TRAPPC10: variants seen among roughly 807,000 people sequenced by gnomAD.
TRAPPC10 encodes the protein trafficking protein particle complex subunit 10.
TRAPPC10 carries 23 observed loss-of-function variants against 125.5 expected under a neutral mutation model. The ratio of observed to expected loss-of-function variants is 0.18; its 90% CI spans 0.13 to 0.26. TRAPPC10 has a LOEUF of 0.26. TRAPPC10 is among the 10% of genes least tolerant of loss of function. TRAPPC10 has a pLI of 1.00. For synonymous variants in TRAPPC10, 509 were observed against 518.0 expected (o/e 0.98, Z 0.24); for missense variants, 1,123 against 1,308.4 (o/e 0.86, Z 2.19).
chr21:44,035,103 C>G (rs910651072), intron 2 of TRAPPC10, among the ~76,000 whole-genome samples: 1 of 152,158 alleles, frequency 6.6e-6, no homozygotes, highest in African/African-American at 2.4e-5. Flanking sequence ...GGATGTGTCC[C>G]CAAACATTCT....
Position 44,094,150 on chromosome 21 carries a change from G to A in TRAPPC10, c.3085G>A (p.Val1029Ile), listed in dbSNP as rs2038769597. Reference sequence around the variant, plus strand: ...CCCTTCTCTGCATTGCCGGTTCTCTGTTGGATTTTCCCCAGCTTCTGAGGA... The same window carrying A: ...CCCTTCTCTGCATTGCCGGTTCTCTATTGGATTTTCCCCAGCTTCTGAGGA... ...PPPSLHCRFS[V>I]GFSPASEEQL... Residue 1029 changes from valine (V) to isoleucine (I), a missense_variant, in exon 20 of 23, where the codon GTT becomes ATT. Physicochemically the swap from Val to Ile is conservative, Grantham distance 29. Transcript: ENST00000291574. 11 of 1,614,180 alleles carry A rather than the reference G, an allele frequency of 6.8e-6. No homozygotes were observed. Among genetic ancestry groups the A allele is most frequent in the Non-Finnish European group, 9.3e-6 (11 of 1,180,050 alleles).
intron 1 of TRAPPC10, among the ~76,000 whole-genome samples, chr21:44,022,047 C>CTTTCT (rs1555924376): frequency 3.2e-4 from 46 of 144,292 alleles, no homozygotes; most frequent in East Asian, 1.2e-3. Flanking sequence ...AAATTTCTTT[C>CTTTCT]TTTTTTTTTT....
At chr21:44,091,856 C>T (rs1351632939) in intron 18 of TRAPPC10, 67 bp from the exon 19 acceptor site, 35 of 1,500,628 alleles carry the variant, frequency 2.3e-5, no homozygotes, top group Non-Finnish European at 3.2e-5. Context: ...GTCTCCTTAA[C>T]AAAGCTAAGA....
In TRAPPC10 at chr21:44,063,718, C is replaced by A; in HGVS notation, c.971C>A (p.Pro324Gln). Residue 324 changes from proline (P) to glutamine (Q), a missense_variant, in exon 7 of 23, where the codon CCG becomes CAG. Physicochemically the swap from Pro to Gln is moderately conservative, Grantham distance 76. Around this residue, in one of 4 missense-constraint regions of TRAPPC10, gnomAD observed 91 missense variants for 127.1 expected, o/e 0.72. Transcript: ENST00000291574. This position sits in a 1 kb window ranked among gnomAD's most constrained non-coding sequence, Gnocchi z 4.4. ...QCTLLLFLQR[P>Q]WEVAQRALEL... ...ACCTTGCTGCTCTTCCTGCAGAGGC[C>A]GTGGGAGGTGGCCCAGCGCGCCCTA... 3 of 1,614,166 alleles carry A rather than the reference C, an allele frequency of 1.9e-6. No individual in the cohort carries two copies. Among genetic ancestry groups the A allele is most frequent in the Non-Finnish European group, 2.5e-6 (3 of 1,180,028 alleles).
At chr21:44,057,032 A>G (rs917042159) in intron 5 of TRAPPC10, among the ~76,000 whole-genome samples, 2 of 152,174 alleles carry the variant, frequency 1.3e-5, no homozygotes, top group Non-Finnish European at 2.9e-5. Flanking sequence ...CACACACTAC[A>G]GCATGGATGG....
intron 14 of TRAPPC10, 125 bp downstream of exon 14, chr21:44,083,427 C>A: frequency 9.2e-7 from 1 of 1,089,478 alleles, no homozygotes; most frequent in Non-Finnish European, 1.3e-6. Flanking sequence ...CTGTTTTTGT[C>A]TCTGTCCTTA....
At chr21:44,072,682 T>C (rs552589975) in intron 7 of TRAPPC10, among the ~76,000 whole-genome samples, 1 of 152,336 alleles carries the variant, frequency 6.6e-6, no homozygotes, top group African/African-American at 2.4e-5. Context: ...CAGGCTGGTC[T>C]CAAACTCCTG....
intron 13 of TRAPPC10, among the ~76,000 whole-genome samples, chr21:44,080,472 A>G (rs1484321863): frequency 6.6e-6 from 1 of 152,162 alleles, no homozygotes; most frequent in African/African-American, 2.4e-5. Context: ...ATCACATATT[A>G]CATGTGGTTG....
At chr21:44,045,161 C>T (rs1326046686) in intron 3 of TRAPPC10, among the ~76,000 whole-genome samples, 2 of 152,232 alleles carry the variant, frequency 1.3e-5, no homozygotes, top group East Asian at 3.9e-4. Context: ...TCTCGAACTC[C>T]TGACCTTGTG....
At chr21:44,067,854 G>A (rs988101109) in intron 7 of TRAPPC10, among the ~76,000 whole-genome samples, 2 of 152,110 alleles carry the variant, frequency 1.3e-5, no homozygotes, top group Non-Finnish European at 2.9e-5. Context: ...GGGCACAGTG[G>A]CTCAAGCCTG....
intron 13 of TRAPPC10, 59 bp downstream of exon 13, chr21:44,080,186 A>G: frequency 7.0e-7 from 1 of 1,431,312 alleles, no homozygotes; most frequent in Non-Finnish European, 9.7e-7. Context: ...GAAGTAAAAA[A>G]GAATACAAGA....
chr21:44,012,571 G>C lies in TRAPPC10; in HGVS notation c.67+11G>C. 6.5e-7 allele frequency: 1 copy of C among 1,532,066 alleles called. No homozygotes were observed. Among genetic ancestry groups the C allele is most frequent in the African/African-American group, 1.4e-5 (1 of 71,990 alleles). The allele number at this position is 1,532,066 out of a possible 1,614,324, so 94.9% of individuals were successfully genotyped here. On this transcript the variant is annotated intron_variant, in intron 1 of 22. Coordinates refer to ENST00000291574, the MANE Select transcript of TRAPPC10 (RefSeq NM_003274.5). ...AGCCCATCGTCACCTGTGAGTGCCC[G>C]GAGGCGGGGAGGGCGCGGCGGTCGT... is the stretch of plus-strand genomic sequence containing the variant.
At chr21:44,088,217 C>G (rs959846940) in intron 17 of TRAPPC10, 6 of 452,590 alleles carry the variant, frequency 1.3e-5, no homozygotes, top group Admixed American at 7.1e-5. Context: ...GGGCGTAAAA[C>G]TTGGGTCATG....
In TRAPPC10 at chr21:44,032,133, T is replaced by G; in HGVS notation, c.110T>G (p.Leu37Arg). The stretch of plus-strand genomic sequence containing the variant: ...TTATTTACCTCTGTTTATCCAACGC[T>G]CTCTCAGCAGCTTCCAAGAGAACCA... ...QNLFTSVYPT[L>R]SQQLPREPME... is the part of the protein sequence containing the mutation. Residue 37 changes from leucine to arginine, a missense_variant, in exon 2 of 23, where the codon CTC becomes CGC. By Grantham distance (102) the Leu-to-Arg change is moderately radical. Transcript: ENST00000291574. The G allele has an allele frequency of 1.9e-6, 3 of 1,614,002 alleles. No individual in the cohort carries two copies. Among genetic ancestry groups the G allele is most frequent in the Non-Finnish European group, 2.5e-6 (3 of 1,179,932 alleles).
intron 1 of TRAPPC10, among the ~76,000 whole-genome samples, chr21:44,029,734 C>T (rs1023208050): frequency 2.0e-5 from 3 of 152,198 alleles, no homozygotes; most frequent in Admixed American, 6.5e-5. Context: ...GGCCTTCCTG[C>T]GTTCCTTCTG....
intron 1 of TRAPPC10, among the ~76,000 whole-genome samples, chr21:44,025,542 C>G (rs1001199984): frequency 3.3e-5 from 5 of 152,136 alleles, no homozygotes; most frequent in South Asian, 2.1e-4. Context: ...TAAGTTTGCT[C>G]TCTGAGGGCT....
intron 9 of TRAPPC10, among the ~76,000 whole-genome samples, chr21:44,075,575 T>C (rs1217767938): frequency 2.0e-5 from 3 of 151,998 alleles, no homozygotes; most frequent in Admixed American, 2.0e-4. Flanking sequence ...AGCCTCGACC[T>C]CCTGGGCTCA....
chr21:44,084,056 C>T (rs1034487065), intron 14 of TRAPPC10, 66 bp from the exon 15 acceptor site: 48 of 1,594,430 alleles, frequency 3.0e-5, no homozygotes, highest in Non-Finnish European at 3.9e-5. Context: ...CTGCACCGCG[C>T]TACCGCAGGA....
chr21:44,036,382 G>C (rs994130742), intron 2 of TRAPPC10, among the ~76,000 whole-genome samples: 1 of 152,210 alleles, frequency 6.6e-6, no homozygotes, highest in African/African-American at 2.4e-5. Context: ...TTCCCACCCT[G>C]AGGGCCTTGC....
Sources: gnomAD v4.1 joint callset for allele counts (sites outside exome capture counted in the v4.1 genomes callset) on GRCh38, gnomAD v4.1.1 for gene constraint, gnomAD v4.1.1 regional missense constraint, Gnocchi (gnomAD v3.1) non-coding constraint, MANE v1.5 for transcripts, NCBI Gene and HGNC (gene_info 2026-07-23, HGNC 2026-07-21) for gene names.